Variants in HECW2 observed in about 807,000 individuals in gnomAD.
The protein encoded by HECW2 is E3 ubiquitin-protein ligase HECW2.
A neutral mutation model predicts 175.2 loss-of-function variants in HECW2; 61 were observed. The observed-to-expected ratio is 0.35, with a 90% CI of 0.28 to 0.43. HECW2 has a LOEUF of 0.43. HECW2 is among the 20% of genes least tolerant of loss of function. The pLI, the probability that HECW2 is intolerant of heterozygous loss-of-function variation, is 1.00. For synonymous variants in HECW2, 671 were observed against 731.0 expected (o/e 0.92, Z 1.32); for missense variants, 1,524 against 2,000.5 (o/e 0.76, Z 4.54).
chr2:196,447,144 G>T (rs147987106), intron 1 of HECW2, among the ~76,000 whole-genome samples: 1 of 151,768 alleles, frequency 6.6e-6, no homozygotes, highest in African/African-American at 2.4e-5. Context: ...TTCAAATACT[G>T]GGATAAAAAA....
chr2:196,443,835 G>C (rs552362026), intron 1 of HECW2, among the ~76,000 whole-genome samples: 23 of 152,312 alleles, frequency 1.5e-4, no homozygotes, highest in Admixed American at 1.3e-3. Context: ...TTGGAGACCA[G>C]CCTGGCCTGG....
intron 2 of HECW2, among the ~76,000 whole-genome samples, chr2:196,404,174 T>C (rs1694897612): frequency 6.6e-6 from 1 of 152,226 alleles, no homozygotes; most frequent in Non-Finnish European, 1.5e-5. Flanking sequence ...TCTTGATTTT[T>C]GTAATAATTG....
At chr2:196,592,046 G>A (rs1691217183) in intron 1 of HECW2, among the ~76,000 whole-genome samples, 1 of 152,170 alleles carries the variant, frequency 6.6e-6, no homozygotes, top group Admixed American at 6.5e-5. Context: ...ATATTTATAA[G>A]ACAAACACAT....
intron 1 of HECW2, among the ~76,000 whole-genome samples, chr2:196,543,674 G>A (rs1476686700): frequency 2.0e-5 from 3 of 151,836 alleles, no homozygotes; most frequent in African/African-American, 7.3e-5. Flanking sequence ...ATGCAGTAGC[G>A]CAATCTTGGC....
At chr2:196,464,548 TA>T (rs1696872796) in intron 1 of HECW2, among the ~76,000 whole-genome samples, 1 of 152,156 alleles carries the variant, frequency 6.6e-6, no homozygotes, top group African/African-American at 2.4e-5. Context: ...AAGGAAAACC[TA>T]AAGTATAACT....
chr2:196,336,727 T>C (rs529915870), intron 3 of HECW2, among the ~76,000 whole-genome samples: 4 of 152,308 alleles, frequency 2.6e-5, no homozygotes, highest in Non-Finnish European at 1.5e-5. Context: ...TGTTACTTTA[T>C]TCCTTGCTAT....
intron 9 of HECW2, 146 bp downstream of exon 9, chr2:196,318,406 C>T: frequency 1.1e-6 from 1 of 942,394 alleles, no homozygotes; most frequent in Non-Finnish European, 1.4e-6. Context: ...TTCAATCTTG[C>T]CTCTCTTCTT....
intron 5 of HECW2, among the ~76,000 whole-genome samples, chr2:196,326,448 A>ATTTT (rs11455303): frequency 2.1e-4 from 30 of 145,670 alleles, no homozygotes; most frequent in African/African-American, 7.6e-4. Context: ...ACTAAGAGCA[A>ATTTT]TTTTTTTTTT....
chr2:196,237,204 A>G (rs1688287017), intron 21 of HECW2, among the ~76,000 whole-genome samples: 1 of 152,002 alleles, frequency 6.6e-6, no homozygotes, highest in African/African-American at 2.4e-5. Flanking sequence ...ATTCTTGTTT[A>G]TTTCAATAGA....
chr2:196,435,305 C>G (rs1049521990), intron 1 of HECW2, among the ~76,000 whole-genome samples: 7 of 152,182 alleles, frequency 4.6e-5, no homozygotes, highest in African/African-American at 1.7e-4. Context: ...ATCTATGAAG[C>G]TTAAAATACA....
At chr2:196,316,511 A>G (rs887352419) in intron 10 of HECW2, 4 of 152,168 alleles carry the variant, frequency 2.6e-5, no homozygotes, top group Admixed American at 6.5e-5. Context: ...TTTTAAAGCA[A>G]TGTTTACCAG....
intron 28 of HECW2, among the ~76,000 whole-genome samples, chr2:196,207,081 A>G (rs1441680717): frequency 1.3e-5 from 2 of 152,212 alleles, no homozygotes; most frequent in Non-Finnish European, 2.9e-5. Context: ...CGCCTAAGGG[A>G]CAGGAGGCAA....
At chr2:196,227,951 A>G in intron 22 of HECW2, 151 bp downstream of exon 22, 3 of 633,610 alleles carry the variant, frequency 4.7e-6, no homozygotes, top group Non-Finnish European at 7.6e-6. Context: ...TTTAAATTTG[A>G]CAATAAAAAC....
intron 1 of HECW2, among the ~76,000 whole-genome samples, chr2:196,578,319 A>G (rs2125524218): frequency 6.6e-6 from 1 of 152,278 alleles, no homozygotes; most frequent in South Asian, 2.1e-4. Context: ...ATGCTGTCTT[A>G]GGAATAGAAA....
chr2:196,283,637 T>C (rs1335644945), intron 14 of HECW2, among the ~76,000 whole-genome samples: 1 of 152,140 alleles, frequency 6.6e-6, no homozygotes, highest in Non-Finnish European at 1.5e-5. Context: ...TGCTTTGGCC[T>C]CTCAAAGTGT....
chr2:196,350,336 G>A (rs1693126324), intron 2 of HECW2, among the ~76,000 whole-genome samples: 1 of 152,180 alleles, frequency 6.6e-6, no homozygotes, highest in South Asian at 2.1e-4. Context: ...CTGCACTCCG[G>A]CCTGGGCAAC....
chr2:196,339,300 C>G (rs561450111), intron 3 of HECW2, among the ~76,000 whole-genome samples: 50 of 152,170 alleles, frequency 3.3e-4, no homozygotes, highest in Non-Finnish European at 6.5e-4. Flanking sequence ...AAGGTACCAA[C>G]CTGAGCACCA....
At chr2:196,260,297 T>C (rs985907534) in intron 17 of HECW2, 2 of 152,188 alleles carry the variant, frequency 1.3e-5, no homozygotes, top group Non-Finnish European at 2.9e-5. Flanking sequence ...AGCTAATTCA[T>C]CACAATGACA....
chr2:196,247,414 T>C (rs143419041), intron 19 of HECW2, among the ~76,000 whole-genome samples: 20 of 152,286 alleles, frequency 1.3e-4, no homozygotes, highest in African/African-American at 4.3e-4. Flanking sequence ...CTAATAAAAT[T>C]GTGTGAGAAC....
Sources: allele counts gnomAD v4.1 joint callset (sites outside exome capture counted in the v4.1 genomes callset), GRCh38; gene constraint gnomAD v4.1.1; transcripts MANE v1.5; gene names NCBI Gene and HGNC (gene_info 2026-07-23, HGNC 2026-07-21).